The following TCERG1L variants were observed in gnomAD, a reference collection of about 807,000 sequenced individuals.
TCERG1L encodes the protein transcription elongation regulator 1-like protein.
In TCERG1L, 37 loss-of-function variants were observed where a neutral mutation model predicts 56.3. The ratio of observed to expected loss-of-function variants is 0.66; its 90% confidence interval spans 0.51 to 0.87. The LOEUF (loss-of-function observed/expected upper bound fraction) is 0.87. TCERG1L is among the 40% of genes least tolerant of loss of function. TCERG1L has a pLI of 0.00. For synonymous variants in TCERG1L, 324 were observed against 326.3 expected (o/e 0.99, Z 0.08); for missense variants, 799 against 774.2 (o/e 1.03, Z -0.38).
intron 3 of TCERG1L, among the ~76,000 whole-genome samples, chr10:131,265,657 T>C (rs1052626244): frequency 6.6e-5 from 10 of 152,276 alleles, no homozygotes; most frequent in Admixed American, 4.6e-4. Flanking sequence ...ACAAAAGTTA[T>C]GTTTACACTA....
chr10:131,195,616 C>T (rs575092884), intron 4 of TCERG1L, among the ~76,000 whole-genome samples: 6 of 152,264 alleles, frequency 3.9e-5, no homozygotes, highest in Middle Eastern at 3.4e-3. Context: ...CCAGCCCGAT[C>T]GCACAGGACC....
rs757941970 is a variant in TCERG1L, at chr10:131,308,239, C to T, written c.642G>A (p.Thr214=). 8 of 1,613,630 alleles carry T rather than the reference C, an allele frequency of 5.0e-6. No individual in the cohort carries two copies. Among genetic ancestry groups the T allele is most frequent in the Admixed American group, 3.3e-5 (2 of 59,970 alleles). ...GGATGGGCTGAGGTGCTAACACCACCGTGGGGAGCGGCCTGGAGGCAGGAG... is the reference window on the plus strand; with the variant it reads ...GGATGGGCTGAGGTGCTAACACCACTGTGGGGAGCGGCCTGGAGGCAGGAG... ...RPAPASRPLP[T]VVLAPQPIPG... is the part of the protein sequence containing the mutation. Residue 214 remains threonine, a synonymous_variant, in exon 3 of 12, where the codon ACG becomes ACA. Transcript: ENST00000368642.
At chr10:131,110,352 G>A (rs1425011848) in intron 9 of TCERG1L, among the ~76,000 whole-genome samples, 1 of 152,084 alleles carries the variant, frequency 6.6e-6, no homozygotes, top group Admixed American at 6.6e-5. Context: ...TCTCCTCCTT[G>A]AGGCCTCAGG....
At chr10:131,233,534 GGCT>G (rs1564821851) in intron 4 of TCERG1L, among the ~76,000 whole-genome samples, 2 of 151,746 alleles carry the variant, frequency 1.3e-5, no homozygotes, top group Non-Finnish European at 2.9e-5. Context: ...GATGCATTGC[GGCT>G]TTTGTTTCAT....
chr10:131,177,375 G>A (rs1428859611), intron 4 of TCERG1L, among the ~76,000 whole-genome samples: 2 of 152,256 alleles, frequency 1.3e-5, no homozygotes, highest in Admixed American at 6.5e-5. Flanking sequence ...CTGCTGCTCT[G>A]TGCCCTCCGT....
In TCERG1L at chr10:131,103,322, C is replaced by A. The variant is rs531017194; in HGVS notation, c.1485+943G>T. Among the ~76,000 whole-genome samples, 1 of 152,300 alleles carries A rather than the reference C, an allele frequency of 6.6e-6. No individual in the cohort carries two copies. The highest frequency in any genetic ancestry group is 2.4e-5 in the African/African-American group (1 of 41,568). On this transcript the variant is annotated intron_variant, in intron 10 of 11. Coordinates refer to ENST00000368642, the MANE Select transcript of TCERG1L (RefSeq NM_174937.4). This position sits in a 1 kb window ranked among gnomAD's most constrained non-coding sequence, Gnocchi z 4.3. ...TATCTTTGGCTACAGAGATCCATAA[C>A]AGGACGAAGCCAGTCTGAGGAGGGA... is the stretch of plus-strand genomic sequence containing the variant.
At chr10:131,209,123 T>A (rs1169521506) in intron 4 of TCERG1L, among the ~76,000 whole-genome samples, 2 of 151,372 alleles carry the variant, frequency 1.3e-5, no homozygotes, top group Non-Finnish European at 2.9e-5. Flanking sequence ...AAATACTCCA[T>A]AAAATTACTT....
chr10:131,218,500 T>C (rs1056500041), intron 4 of TCERG1L, among the ~76,000 whole-genome samples: 1 of 151,906 alleles, frequency 6.6e-6, no homozygotes, highest in African/African-American at 2.4e-5. Flanking sequence ...TATTTATTTA[T>C]TTATTTATTT....
rs186028475 is a variant in TCERG1L, at chr10:131,287,714, C to T, written c.670+20497G>A. 8.1e-4 allele frequency among the ~76,000 whole-genome samples: 123 copies of T among 152,168 alleles called. 1 individual carries two copies. Among genetic ancestry groups the T allele is most frequent in the African/African-American group, 2.9e-3 (120 of 41,488 alleles). On this transcript the variant is annotated intron_variant, in intron 3 of 11. Transcript: ENST00000368642. ...ATCTATGGGAACGGTCTAAATAGGC[C>T]GGGCATTGCAGATACCACACAAGCA... is the stretch of plus-strand genomic sequence containing the variant.
chr10:131,291,401 CTTTTTTTTTTTTTTTTTTTTTTTTTTTTT>C (rs71009957), intron 3 of TCERG1L, among the ~76,000 whole-genome samples: 4 of 36,566 alleles, frequency 1.1e-4, no homozygotes, highest in Non-Finnish European at 2.0e-4. Flanking sequence ...AACAGCATTT[CTTTTTTTTTTTTTTTTTTTTTTTTTTTTT>C]TTTTTTTTTT....
chr10:131,098,206 G>T (rs1845268509), intron 11 of TCERG1L, 100 bp downstream of exon 11: 2 of 1,263,694 alleles, frequency 1.6e-6, no homozygotes, highest in African/African-American at 1.5e-5. Flanking sequence ...TCTGTGGAAG[G>T]CTGGGTTACA....
At chr10:131,310,052 G>A (rs1441817278) in intron 1 of TCERG1L, among the ~76,000 whole-genome samples, 1 of 152,062 alleles carries the variant, frequency 6.6e-6, no homozygotes, top group Admixed American at 6.5e-5. Context: ...CATTTGTGAT[G>A]TTCCTGTTAC....
At chr10:131,280,188 T>C (rs1019008483) in intron 3 of TCERG1L, among the ~76,000 whole-genome samples, 14 of 151,056 alleles carry the variant, frequency 9.3e-5, no homozygotes, top group African/African-American at 3.2e-4. Flanking sequence ...CAGGTCATGG[T>C]AGATAAGAGA....
intron 7 of TCERG1L, among the ~76,000 whole-genome samples, chr10:131,141,609 G>T (rs545096271): frequency 6.6e-6 from 1 of 151,584 alleles, no homozygotes; most frequent in African/African-American, 2.4e-5. Context: ...CCCTTCCCTT[G>T]CTCCCTCCCT....
In TCERG1L at chr10:131,103,394, T is replaced by A. The variant is rs933886887; in HGVS notation, c.1485+871A>T. On this transcript the variant is annotated intron_variant, in intron 10 of 11. Transcript: ENST00000368642. This position sits in a 1 kb window ranked among gnomAD's most constrained non-coding sequence, Gnocchi z 4.3. ...TCCTTGCAGAAGTGCTTTTTGTGTG[T>A]ATAAGGTTGTGATGAGCCAGGTGCG... Among the ~76,000 whole-genome samples the A allele has an allele frequency of 5.9e-5, 9 of 152,190 alleles. No homozygotes were observed. Among genetic ancestry groups the A allele is most frequent in the African/African-American group, 2.2e-4 (9 of 41,458 alleles).
At chr10:131,130,254 A>G (rs533075126) in intron 8 of TCERG1L, among the ~76,000 whole-genome samples, 1 of 152,286 alleles carries the variant, frequency 6.6e-6, no homozygotes, top group East Asian at 1.9e-4. Flanking sequence ...CTTAGTCACT[A>G]TCATGAGAAC....
chr10:131,310,060 T>TA, intron 1 of TCERG1L, among the ~76,000 whole-genome samples: 1 of 152,288 alleles, frequency 6.6e-6, no homozygotes, highest in East Asian at 1.9e-4. Flanking sequence ...ATGTTCCTGT[T>TA]ACATGAAAAT....
chr10:131,222,872 G>A (rs2918160), intron 4 of TCERG1L, among the ~76,000 whole-genome samples: 1 of 151,976 alleles, frequency 6.6e-6, no homozygotes, highest in Non-Finnish European at 1.5e-5. Context: ...CTTCCAATTG[G>A]TCAAGGCAGA....
chr10:131,276,071 T>C (rs1025187188), intron 3 of TCERG1L, among the ~76,000 whole-genome samples: 8 of 152,158 alleles, frequency 5.3e-5, no homozygotes, highest in Admixed American at 2.0e-4. Flanking sequence ...AACACATACA[T>C]GTTAATTGGG....
Sources: allele counts gnomAD v4.1 joint callset (sites outside exome capture counted in the v4.1 genomes callset), GRCh38; gene constraint gnomAD v4.1.1; non-coding constraint Gnocchi (gnomAD v3.1); transcripts MANE v1.5; gene names NCBI Gene and HGNC (gene_info 2026-07-23, HGNC 2026-07-21).